Variants in ARID4B observed in about 807,000 individuals in gnomAD.
ARID4B encodes the protein AT-rich interactive domain-containing protein 4B.
In ARID4B, 26 loss-of-function variants were observed where a neutral mutation model predicts 147.5. The observed-to-expected ratio is 0.18, with a 90% CI of 0.13 to 0.24. The LOEUF (loss-of-function observed/expected upper bound fraction) is 0.24. ARID4B is among the 10% of genes least tolerant of loss of function. ARID4B has a pLI of 1.00. For missense variants in ARID4B, 1,179 were observed against 1,511.5 expected (o/e 0.78, Z 3.65); for synonymous variants, 512 against 507.9 (o/e 1.01, Z -0.11).
chr1:235,214,331 C>A (rs1297499629), intron 16 of ARID4B, among the ~76,000 whole-genome samples: 1 of 152,154 alleles, frequency 6.6e-6, no homozygotes, highest in African/African-American at 2.4e-5. Context: ...TCAACTCTAA[C>A]AATTTTTTCA....
At chr1:235,224,612 A>C in intron 12 of ARID4B, 91 bp downstream of exon 12, 1 of 871,176 alleles carries the variant, frequency 1.1e-6, no homozygotes, top group Non-Finnish European at 1.8e-6. Flanking sequence ...TGATGACATA[A>C]AGTTCAGTAA....
chr1:235,192,934 A>G (rs181390118), intron 19 of ARID4B, among the ~76,000 whole-genome samples: 1 of 152,110 alleles, frequency 6.6e-6, no homozygotes, highest in East Asian at 1.9e-4. Context: ...TGTACTAAAA[A>G]TACAGAAAAT....
In ARID4B at chr1:235,280,431, T is replaced by A. The variant is rs533217766; in HGVS notation, c.7-19679A>T. 1.3e-3 allele frequency among the ~76,000 whole-genome samples: 194 copies of A among 152,324 alleles called. 1 individual carries two copies. The highest frequency in any genetic ancestry group is 4.6e-3 in the African/African-American group (190 of 41,570). On this transcript the variant is annotated intron_variant, in intron 2 of 23. Coordinates refer to ENST00000264183, the MANE Select transcript of ARID4B (RefSeq NM_016374.6). The stretch of plus-strand genomic sequence containing the variant: ...AGACGATCACTAAAATCAGGCTATT[T>A]GACAAACAAAATTGACTTAAAGAAT...
chr1:235,281,334 T>A (rs1187411070), intron 2 of ARID4B, among the ~76,000 whole-genome samples: 1 of 152,134 alleles, frequency 6.6e-6, no homozygotes, highest in Non-Finnish European at 1.5e-5. Flanking sequence ...GTGGCTCACC[T>A]GAGGTAAGGA....
chr1:235,319,709 T>A (rs1674690212), intron 2 of ARID4B, among the ~76,000 whole-genome samples: 1 of 151,758 alleles, frequency 6.6e-6, no homozygotes, highest in African/African-American at 2.4e-5. Flanking sequence ...AAGACTTTTT[T>A]AAAAAAAGGG....
chr1:235,272,577 G>T (rs938190775), intron 2 of ARID4B, among the ~76,000 whole-genome samples: 29 of 151,968 alleles, frequency 1.9e-4, no homozygotes, highest in Non-Finnish European at 2.9e-4. Context: ...TCAAACTTTA[G>T]GTTCATAACT....
chr1:235,234,729 G>A (rs1167638127), intron 8 of ARID4B, among the ~76,000 whole-genome samples: 2 of 152,176 alleles, frequency 1.3e-5, no homozygotes, highest in Non-Finnish European at 2.9e-5. Context: ...GGCATTGAAA[G>A]CAGAAGCACA....
intron 2 of ARID4B, among the ~76,000 whole-genome samples, chr1:235,300,768 G>A (rs1242052069): frequency 6.6e-6 from 1 of 151,998 alleles, no homozygotes; most frequent in Non-Finnish European, 1.5e-5. Context: ...GAAGTGCAGT[G>A]GCACGATCTC....
chr1:235,206,270 G>A (rs992599641), intron 17 of ARID4B, among the ~76,000 whole-genome samples: 8 of 152,094 alleles, frequency 5.3e-5, no homozygotes, highest in Admixed American at 2.6e-4. Flanking sequence ...AATACATAAC[G>A]TAGTCCTAAT....
intron 17 of ARID4B, among the ~76,000 whole-genome samples, chr1:235,205,904 C>T (rs1490903468): frequency 6.6e-6 from 1 of 152,038 alleles, no homozygotes; most frequent in Non-Finnish European, 1.5e-5. Context: ...TAACACATTG[C>T]TGGTGAGAAT....
At chr1:235,176,464 A>AAAAAAC (rs1663884094) in intron 21 of ARID4B, among the ~76,000 whole-genome samples, 2 of 149,678 alleles carry the variant, frequency 1.3e-5, no homozygotes, top group Non-Finnish European at 3.0e-5. Context: ...AAAAAAAAAA[A>AAAAAAC]AAAAGGAGTT....
intron 12 of ARID4B, among the ~76,000 whole-genome samples, chr1:235,223,684 C>CGTGTT (rs149769753): frequency 8.5e-6 from 1 of 117,144 alleles, no homozygotes; most frequent in Non-Finnish European, 1.7e-5. Context: ...AGTAAAGCTA[C>CGTGTT]ATTTTTTTTT....
At chr1:235,266,690 C>A (rs1338963442) in intron 2 of ARID4B, among the ~76,000 whole-genome samples, 1 of 152,168 alleles carries the variant, frequency 6.6e-6, no homozygotes, top group Non-Finnish European at 1.5e-5. Flanking sequence ...CAAGGAAGCA[C>A]AGAAGTGCAC....
At chr1:235,326,810 C>A in intron 2 of ARID4B, 104 bp downstream of exon 2, 1 of 1,448,638 alleles carries the variant, frequency 6.9e-7, no homozygotes, top group Admixed American at 1.7e-5. Flanking sequence ...ACCAAACACA[C>A]CTTCCTCTGC....
At chr1:235,273,347 A>C (rs1461594273) in intron 2 of ARID4B, among the ~76,000 whole-genome samples, 2 of 152,166 alleles carry the variant, frequency 1.3e-5, no homozygotes, top group African/African-American at 4.8e-5. Flanking sequence ...CTCAGCCTAC[A>C]CAGCTGTTCT....
At chr1:235,222,377 T>A (rs903887637) in intron 13 of ARID4B, among the ~76,000 whole-genome samples, 2 of 152,228 alleles carry the variant, frequency 1.3e-5, no homozygotes, top group Non-Finnish European at 2.9e-5. Context: ...TTGTAAAGTA[T>A]TTTATTCCAT....
At chr1:235,319,353 A>T (rs1488103032) in intron 2 of ARID4B, among the ~76,000 whole-genome samples, 1 of 152,030 alleles carries the variant, frequency 6.6e-6, no homozygotes, top group African/African-American at 2.4e-5. Context: ...CTCCACAGAA[A>T]ATTTAAAAGT....
At chr1:235,297,704 C>A (rs539160397) in intron 2 of ARID4B, among the ~76,000 whole-genome samples, 1 of 152,028 alleles carries the variant, frequency 6.6e-6, no homozygotes, top group East Asian at 1.9e-4. Flanking sequence ...CTCTTATAAA[C>A]AATGCTCACC....
chr1:235,237,875 G>T (rs1668710215), intron 8 of ARID4B, among the ~76,000 whole-genome samples: 5 of 152,112 alleles, frequency 3.3e-5, no homozygotes. Context: ...TCATCACCGG[G>T]TGTGCTGGCT....
Sources: gnomAD v4.1 joint callset for allele counts (sites outside exome capture counted in the v4.1 genomes callset) on GRCh38, gnomAD v4.1.1 for gene constraint, MANE v1.5 for transcripts, NCBI Gene and HGNC (gene_info 2026-07-23, HGNC 2026-07-21) for gene names.